Variants in MYCBPAP observed in about 807,000 individuals in gnomAD.
MYCBPAP encodes MYCBP associated protein.
In MYCBPAP, 60 loss-of-function variants were observed where a neutral mutation model predicts 106.1. The ratio of observed to expected loss-of-function variants is 0.57; its 90% CI spans 0.46 to 0.70. MYCBPAP has a LOEUF of 0.70. Ranked by LOEUF, MYCBPAP falls within the 30% of genes least tolerant of loss-of-function variation. The pLI is 0.00. For missense variants in MYCBPAP, 1,064 were observed against 1,169.3 expected (o/e 0.91, Z 1.31); for synonymous variants, 407 against 440.6 (o/e 0.92, Z 0.95).
rs2034273081 is a variant in MYCBPAP, at chr17:50,521,927, G to T, written c.1149-46G>T. Reference sequence around the variant, plus strand: ...GTTTCTGTGGGGTTCCACATGGCATGACTGTGGCAGCCTAAGAGAAAATAA... The same window carrying T: ...GTTTCTGTGGGGTTCCACATGGCATTACTGTGGCAGCCTAAGAGAAAATAA... On this transcript the variant is annotated intron_variant, in intron 9 of 18. Coordinates refer to ENST00000323776, the MANE Select transcript of MYCBPAP (RefSeq NM_032133.6). 4 of 1,570,702 alleles carry T rather than the reference G, an allele frequency of 2.5e-6. No homozygotes were observed. In the South Asian group the frequency reaches 3.3e-5, roughly 13 times the overall value.
upstream of MYCBPAP, among the ~76,000 whole-genome samples, chr17:50,507,848 A>G (rs1385513559): frequency 6.6e-6 from 1 of 152,192 alleles, no homozygotes; most frequent in African/African-American, 2.4e-5. Flanking sequence ...GCAACTACAC[A>G]AAAAACCGAA....
At chr17:50,525,233 C>A (rs778104892) in intron 13 of MYCBPAP, 68 of 503,934 alleles carry the variant, frequency 1.3e-4, no homozygotes, top group Non-Finnish European at 2.2e-4. Context: ...ATTGTACACT[C>A]CTTATGAGAA....
At chr17:50,511,997 C>T (rs2033867577) in intron 1 of MYCBPAP, among the ~76,000 whole-genome samples, 1 of 151,934 alleles carries the variant, frequency 6.6e-6, no homozygotes, top group African/African-American at 2.4e-5. Flanking sequence ...GCTGTCATGC[C>T]CTGGTTTCCC....
chr17:50,518,979 C>G lies in MYCBPAP; in HGVS notation c.658C>G (p.Leu220Val), dbSNP rs150327632. Residue 220 changes from leucine to valine, a missense_variant, in exon 6 of 19, where the codon CTA becomes GTA. Coordinates refer to ENST00000323776, the MANE Select transcript of MYCBPAP (RefSeq NM_032133.6). ...KKQQEALSEHLKKPVSELLMH... is the reference protein window; with the variant it reads ...KKQQEALSEHVKKPVSELLMH... ...AATCTTGCCTCTCTCTCTAGAACACCTAAAGAAGCCAGTGAGTGAGCTGCT... is the reference window on the plus strand; with the variant it reads ...AATCTTGCCTCTCTCTCTAGAACACGTAAAGAAGCCAGTGAGTGAGCTGCT... 1.5e-5 allele frequency: 25 copies of G among 1,613,768 alleles called. No individual in the cohort carries two copies. The African/African-American group carries it at 3.3e-4, about 22-fold the overall frequency.
chr17:50,510,499 G>GTGTGTGTATA (rs1418345705), intron 1 of MYCBPAP: 7 of 76,424 alleles, frequency 9.2e-5, no homozygotes, highest in African/African-American at 2.7e-4. Context: ...GTGTGTGTGT[G>GTGTGTGTATA]TATATATATA....
At chr17:50,515,211 C>T (rs1410154009) in intron 1 of MYCBPAP, among the ~76,000 whole-genome samples, 1 of 140,806 alleles carries the variant, frequency 7.1e-6, no homozygotes, top group African/African-American at 3.1e-5. Flanking sequence ...TCCCTGACTC[C>T]CCCACCTCCC....
chr17:50,519,366 TAAAG>T, intron 6 of MYCBPAP: 1 of 585,360 alleles, frequency 1.7e-6, no homozygotes, highest in South Asian at 2.1e-5. Context: ...GCCTACACCC[TAAAG>T]AGAGAGGTTG....
chr17:50,524,172 T>C (rs779489438), intron 12 of MYCBPAP, among the ~76,000 whole-genome samples: 1 of 152,216 alleles, frequency 6.6e-6, no homozygotes, highest in Non-Finnish European at 1.5e-5. Context: ...GGGAGAATAA[T>C]TAATTAATAC....
intron 7 of MYCBPAP, 162 bp from the exon 8 acceptor site, chr17:50,520,948 G>T (rs368522827): frequency 1.8e-5 from 11 of 610,846 alleles, no homozygotes; most frequent in Non-Finnish European, 3.2e-5. Context: ...TGCTGAGGAG[G>T]TATAGGACAG....
At chr17:50,512,053 CTTTT>C (rs774304337) in intron 1 of MYCBPAP, among the ~76,000 whole-genome samples, 3 of 131,848 alleles carry the variant, frequency 2.3e-5, no homozygotes, top group Admixed American at 7.7e-5. Context: ...AGCAAGTTTT[CTTTT>C]TTTTTTTTTT....
upstream of MYCBPAP, among the ~76,000 whole-genome samples, chr17:50,508,008 G>C (rs2033677876): frequency 6.6e-6 from 1 of 152,210 alleles, no homozygotes; most frequent in Admixed American, 6.5e-5. Context: ...AGTGATGAAA[G>C]GCCAAAGTGG....
chr17:50,508,540 C>G lies in MYCBPAP; in HGVS notation c.-135C>G. 1 of 1,539,000 alleles carries G rather than the reference C, an allele frequency of 6.5e-7. No homozygotes were observed. Among genetic ancestry groups the G allele is most frequent in the Non-Finnish European group, 8.7e-7 (1 of 1,143,922 alleles). ...CCAAGCCGTCTCCGCCCAAGTTGAT[C>G]GGTGGATGCGCGCCCCCGCGCGGGG... On this transcript the variant is annotated 5_prime_UTR_variant, in exon 1 of 19. It adds an upstream start codon to the 5' untranslated region. Coordinates refer to ENST00000323776, the MANE Select transcript of MYCBPAP (RefSeq NM_032133.6).
intron 10 of MYCBPAP, chr17:50,522,694 C>CAAAAAAAAAA (rs1555620749): frequency 0.034 from 1,216 of 35,638 alleles, 53 homozygotes; most frequent in Non-Finnish European, 0.037. Context: ...AACTCTGTCT[C>CAAAAAAAAAA]AAAAAAAAAA....
intron 14 of MYCBPAP, among the ~76,000 whole-genome samples, chr17:50,526,980 G>A (rs1016566741): frequency 6.6e-6 from 1 of 152,370 alleles, no homozygotes; most frequent in Admixed American, 6.5e-5. Flanking sequence ...CTCCCAAAGT[G>A]CTGGGATTAT....
In MYCBPAP at chr17:50,521,088, G is replaced by A. The variant is rs141618932; in HGVS notation, c.917-22G>A. 4.4e-6 allele frequency: 7 copies of A among 1,593,018 alleles called. No homozygotes were observed. In the East Asian group the frequency reaches 1.3e-4, roughly 31 times the overall value. ...GGGACATGGCAGCAGCCTGTGCTGA[G>A]GGTCCTTGGACCTCATGCTAGGATT... On this transcript the variant is annotated intron_variant, in intron 7 of 18. Transcript: ENST00000323776.
At chr17:50,520,888 C>A in intron 7 of MYCBPAP, 8 of 520,750 alleles carry the variant, frequency 1.5e-5, no homozygotes, top group South Asian at 2.3e-5. Flanking sequence ...TATTATAATC[C>A]AAAGATTTGG....
At position 50,528,681 on chromosome 17, in the gene MYCBPAP, C is replaced by T; in HGVS notation, c.2408-14C>T. On this transcript the variant is annotated splice_polypyrimidine_tract_variant and intron_variant, in intron 16 of 18. Transcript: ENST00000323776. ...TGGGGGCCTGCCATATTTTCTTCCA[C>T]CCACCTCCCTTAGATCAAAAATCAC... 1 of 1,612,544 alleles carries T rather than the reference C, an allele frequency of 6.2e-7. No homozygotes were observed. The highest frequency in any genetic ancestry group is 8.5e-7 in the Non-Finnish European group (1 of 1,179,298).
intron 9 of MYCBPAP, 151 bp from the exon 10 acceptor site, chr17:50,521,822 G>C: frequency 1.5e-6 from 1 of 654,174 alleles, no homozygotes; most frequent in Non-Finnish European, 2.7e-6. Context: ...AATGGGTCAG[G>C]AGGAAGCTGC....
At chr17:50,525,713 A>G (rs1035042724) in intron 13 of MYCBPAP, among the ~76,000 whole-genome samples, 168 bp from the exon 14 acceptor site, 34 of 146,284 alleles carry the variant, frequency 2.3e-4, no homozygotes, top group Admixed American at 1.6e-3. Flanking sequence ...CCGGTCTTGA[A>G]CTCCTGAGTT....
Sources: allele counts gnomAD v4.1 joint callset (sites outside exome capture counted in the v4.1 genomes callset), GRCh38; gene constraint gnomAD v4.1.1; transcripts MANE v1.5; gene names NCBI Gene and HGNC (gene_info 2026-07-23, HGNC 2026-07-21).